CPQ: variants seen among roughly 807,000 people sequenced by gnomAD.
CPQ encodes carboxypeptidase Q.
A neutral mutation model predicts 45.7 loss-of-function variants in CPQ; 37 were observed. The ratio of observed to expected loss-of-function variants is 0.81; its 90% confidence interval spans 0.62 to 1.07. The LOEUF is 1.07. CPQ is among the 50% of genes least tolerant of loss of function. The pLI is 0.00. For synonymous variants in CPQ, 186 were observed against 205.8 expected (o/e 0.90, Z 0.82); for missense variants, 537 against 572.9 (o/e 0.94, Z 0.64).
chr8:96,851,059 A>G (rs1811764673), intron 3 of CPQ, among the ~76,000 whole-genome samples: 1 of 152,198 alleles, frequency 6.6e-6, no homozygotes, highest in Non-Finnish European at 1.5e-5. Flanking sequence ...GCATACACTC[A>G]ATAGCTTTTA....
chr8:96,658,038 G>A (rs1815657810), intron 1 of CPQ, among the ~76,000 whole-genome samples: 1 of 152,074 alleles, frequency 6.6e-6, no homozygotes, highest in Admixed American at 6.6e-5. Context: ...CATATGTATT[G>A]TATACCAAAA....
chr8:96,965,485 T>C (rs908888748), intron 4 of CPQ, among the ~76,000 whole-genome samples: 7 of 150,146 alleles, frequency 4.7e-5, no homozygotes, highest in South Asian at 2.1e-4. Flanking sequence ...TTCTCCTGCC[T>C]CAGCCTCCCA....
chr8:96,987,913 A>G (rs1394363058), intron 5 of CPQ, among the ~76,000 whole-genome samples: 2 of 152,212 alleles, frequency 1.3e-5, no homozygotes, highest in African/African-American at 4.8e-5. Flanking sequence ...TTGATGGCAT[A>G]AAGTGAATTC....
chr8:96,886,550 G>C (rs1363373561), intron 4 of CPQ, among the ~76,000 whole-genome samples: 1 of 152,212 alleles, frequency 6.6e-6, no homozygotes, highest in East Asian at 1.9e-4. Context: ...TAGAGGCAGA[G>C]ACAGAGAGTA....
At chr8:96,763,906 C>G (rs1810436434) in intron 1 of CPQ, among the ~76,000 whole-genome samples, 1 of 152,094 alleles carries the variant, frequency 6.6e-6, no homozygotes, top group Non-Finnish European at 1.5e-5. Flanking sequence ...TACAGAGGAA[C>G]TAGAACTCTC....
At chr8:96,956,850 C>G (rs758293783) in intron 4 of CPQ, among the ~76,000 whole-genome samples, 1 of 152,126 alleles carries the variant, frequency 6.6e-6, no homozygotes, top group Non-Finnish European at 1.5e-5. Flanking sequence ...TTATTAACTG[C>G]GATGACCGGG....
chr8:96,664,187 G>A (rs1808889626), intron 1 of CPQ, among the ~76,000 whole-genome samples: 1 of 152,164 alleles, frequency 6.6e-6, no homozygotes, highest in African/African-American at 2.4e-5. Context: ...ATTTGGTAAA[G>A]AGAAGGAGCA....
At chr8:97,087,752 A>T (rs1431163319) in intron 7 of CPQ, among the ~76,000 whole-genome samples, 4 of 152,198 alleles carry the variant, frequency 2.6e-5, no homozygotes, top group Non-Finnish European at 5.9e-5. Context: ...ATGTTGAAAG[A>T]TTAATTTGAA....
intron 4 of CPQ, among the ~76,000 whole-genome samples, chr8:96,898,655 T>C (rs961715405): frequency 2.7e-5 from 4 of 145,550 alleles, no homozygotes; most frequent in Non-Finnish European, 4.5e-5. Flanking sequence ...AGGGATAGCA[T>C]TGGGAGATAT....
At chr8:97,034,116 G>A (rs1809956892) in intron 6 of CPQ, among the ~76,000 whole-genome samples, 1 of 152,086 alleles carries the variant, frequency 6.6e-6, no homozygotes, top group South Asian at 2.1e-4. Flanking sequence ...GCTATTTATA[G>A]CTTGTGTATA....
rs536740612 is a variant in CPQ, at chr8:96,719,266, C to T, written c.-34-65598C>T. ...AGCTAAGGCTTGGTGAGAAATCGAG[C>T]GCAGCGCTGGTGGGCTGGCACTTTT... On this transcript the variant is annotated intron_variant, in intron 1 of 7. Coordinates refer to ENST00000220763, the MANE Select transcript of CPQ (RefSeq NM_016134.4). Among the ~76,000 whole-genome samples, 28 of 152,330 alleles carry T rather than the reference C, an allele frequency of 1.8e-4. No individual in the cohort carries two copies. In the South Asian group the frequency reaches 3.7e-3, roughly 20 times the overall value.
At chr8:97,095,022 G>A (rs1811187395) in intron 7 of CPQ, among the ~76,000 whole-genome samples, 1 of 152,116 alleles carries the variant, frequency 6.6e-6, no homozygotes, top group Admixed American at 6.6e-5. Flanking sequence ...AACTCTGTAT[G>A]TCCTTAGCTT....
At chr8:96,807,259 G>A (rs191859217) in intron 2 of CPQ, among the ~76,000 whole-genome samples, 13 of 151,546 alleles carry the variant, frequency 8.6e-5, no homozygotes, top group Admixed American at 5.9e-4. Flanking sequence ...TTTTTGAGAC[G>A]GAGTCTCGCT....
intron 1 of CPQ, among the ~76,000 whole-genome samples, chr8:96,670,310 ATTTTTTTTTTTT>A (rs76070257): frequency 1.4e-5 from 2 of 143,996 alleles, no homozygotes; most frequent in East Asian, 2.1e-4. Flanking sequence ...GAGTGACTCA[ATTTTTTTTTTTT>A]TTTTTTTTTT....
At chr8:96,656,673 G>A (rs1815641766) in intron 1 of CPQ, among the ~76,000 whole-genome samples, 1 of 152,122 alleles carries the variant, frequency 6.6e-6, no homozygotes. Context: ...CACATCTCCC[G>A]CCTGGGTAAG....
At chr8:96,653,152 C>A (rs1303357998) in intron 1 of CPQ, among the ~76,000 whole-genome samples, 1 of 152,200 alleles carries the variant, frequency 6.6e-6, no homozygotes, top group African/African-American at 2.4e-5. Context: ...TGGTCTCAAA[C>A]TCCTGAGCTC....
intron 3 of CPQ, among the ~76,000 whole-genome samples, chr8:96,845,683 G>A (rs1563511609): frequency 6.6e-6 from 1 of 151,964 alleles, no homozygotes; most frequent in East Asian, 1.9e-4. Flanking sequence ...GATTTTTGTG[G>A]AAAAATATAA....
chr8:97,056,145 C>G (rs1195442024), intron 6 of CPQ, among the ~76,000 whole-genome samples: 2 of 151,920 alleles, frequency 1.3e-5, no homozygotes, highest in South Asian at 4.2e-4. Flanking sequence ...TTGTGTTGTT[C>G]AAGTCAGTGA....
chr8:96,736,921 A>C (rs1260988558), intron 1 of CPQ, among the ~76,000 whole-genome samples: 2 of 152,056 alleles, frequency 1.3e-5, no homozygotes, highest in Non-Finnish European at 2.9e-5. Flanking sequence ...AATTTCTCTT[A>C]TTACCTTTTT....
Sources: gnomAD v4.1 joint callset for allele counts (sites outside exome capture counted in the v4.1 genomes callset) on GRCh38, gnomAD v4.1.1 for gene constraint, MANE v1.5 for transcripts, NCBI Gene and HGNC (gene_info 2026-07-23, HGNC 2026-07-21) for gene names.